HERC3: variants seen among roughly 807,000 people sequenced by gnomAD.
The protein encoded by HERC3 is HECT and RLD domain containing E3 ubiquitin protein ligase 3.
In HERC3, 58 loss-of-function variants were observed where a neutral mutation model predicts 129.9. That is an observed-to-expected ratio of 0.45 (90% CI 0.36 to 0.56). The LOEUF is 0.56. Among genes scored for constraint, HERC3 ranks in the 20% least tolerant of loss-of-function variants. The probability of loss-of-function intolerance (pLI) is 0.00; values close to 1 mark genes in which losing one functional copy is unlikely to be tolerated. For missense variants in HERC3, 835 were observed against 1,244.2 expected (o/e 0.67, Z 4.95); for synonymous variants, 430 against 451.0 (o/e 0.95, Z 0.59).
intron 7 of HERC3, among the ~76,000 whole-genome samples, chr4:88,654,732 C>T (rs897213137): frequency 2.0e-5 from 3 of 151,752 alleles, no homozygotes; most frequent in Non-Finnish European, 4.4e-5. Flanking sequence ...TATTATTCTA[C>T]GTTCACTTTG....
chr4:88,565,902 T>C, the HERC3 span, among the ~76,000 whole-genome samples: 1 of 152,300 alleles, frequency 6.6e-6, no homozygotes, highest in East Asian at 1.9e-4. Context: ...TCTGGTGGTA[T>C]ATTTTAATTT....
At chr4:88,592,345 C>G (rs1453915707), upstream of HERC3, 1 of 152,612 alleles carries the variant, frequency 6.6e-6, no homozygotes, top group Non-Finnish European at 1.5e-5. Context: ...GCCCGCGGAC[C>G]TTGCCGCCCC....
At chr4:88,581,194 C>T in the HERC3 span, among the ~76,000 whole-genome samples, 1 of 152,094 alleles carries the variant, frequency 6.6e-6, no homozygotes, top group Non-Finnish European at 1.5e-5. Context: ...TTCAGGGATT[C>T]TTGTGTTTCT....
At chr4:88,527,665 G>A in the HERC3 span, 1 of 295,994 alleles carries the variant, frequency 3.4e-6, no homozygotes, top group Non-Finnish European at 6.5e-6. Context: ...CCTCATGCCG[G>A]GCAATGTGCT....
chr4:88,563,486 CTTTA>C, the HERC3 span, among the ~76,000 whole-genome samples: 1 of 152,106 alleles, frequency 6.6e-6, no homozygotes, highest in African/African-American at 2.4e-5. Flanking sequence ...TTTGGATGCC[CTTTA>C]TTTCTTTGTT....
intron 7 of HERC3, 125 bp downstream of exon 7, chr4:88,654,258 T>G: frequency 1.9e-6 from 1 of 525,030 alleles, no homozygotes; most frequent in South Asian, 3.7e-5. Flanking sequence ...AATGCTCTCT[T>G]TTATGTGGGT....
intron 23 of HERC3, among the ~76,000 whole-genome samples, chr4:88,700,269 C>G (rs1017487428): frequency 5.3e-5 from 8 of 152,100 alleles, no homozygotes; most frequent in African/African-American, 1.9e-4. Flanking sequence ...ACAGGTTTCT[C>G]TATGAGCATG....
chr4:88,608,551 AT>A (rs1723925756), intron 3 of HERC3, among the ~76,000 whole-genome samples: 1 of 152,246 alleles, frequency 6.6e-6, no homozygotes, highest in Non-Finnish European at 1.5e-5. Flanking sequence ...AGTAAATCCT[AT>A]TTATTATGTA....
At chr4:88,697,236 G>A (rs1293734281) in intron 23 of HERC3, 2 of 1,528,076 alleles carry the variant, frequency 1.3e-6, no homozygotes, top group African/African-American at 1.4e-5. Context: ...GCATCTCGGC[G>A]TGGGCATCGT....
intron 2 of HERC3, among the ~76,000 whole-genome samples, chr4:88,595,936 C>T (rs1028437352): frequency 2.7e-5 from 4 of 150,540 alleles, no homozygotes; most frequent in East Asian, 2.0e-4. Context: ...GCAGGCTCCG[C>T]CCCCCGGGGT....
At chr4:88,671,633 C>T (rs1468513983) in intron 16 of HERC3, among the ~76,000 whole-genome samples, 1 of 152,114 alleles carries the variant, frequency 6.6e-6, no homozygotes, top group Non-Finnish European at 1.5e-5. Context: ...AAGCCATTCT[C>T]CCACCTCAGC....
At position 88,662,427 on chromosome 4, in the gene HERC3, C is replaced by G; in HGVS notation, c.1147-4C>G. 1 of 1,602,656 alleles carries G rather than the reference C, an allele frequency of 6.2e-7. No individual in the cohort carries two copies. The highest frequency in any genetic ancestry group is 8.5e-7 in the Non-Finnish European group (1 of 1,176,344). On this transcript the variant is annotated splice_region_variant and splice_polypyrimidine_tract_variant and intron_variant, in intron 10 of 25. Transcript: ENST00000402738. ...TCTTTTTACTGTTACATTTAATTCT[C>G]CAGAATTATTCTCCTGCTGTTGACT...
At chr4:88,642,662 A>G (rs1411640398) in intron 3 of HERC3, among the ~76,000 whole-genome samples, 1 of 152,222 alleles carries the variant, frequency 6.6e-6, no homozygotes, top group Admixed American at 6.5e-5. Context: ...GGGGCTAGCT[A>G]GCCAGCCCTC....
intron 3 of HERC3, among the ~76,000 whole-genome samples, chr4:88,624,301 T>C (rs1160173858): frequency 1.3e-5 from 2 of 152,222 alleles, no homozygotes; most frequent in African/African-American, 4.8e-5. Flanking sequence ...GAATTGCTGG[T>C]TCATATGGTA....
rs184967632 is a variant in HERC3 at position 88,687,733 on chromosome 4, C to A, written c.2657+434C>A. 1.1e-4 allele frequency among the ~76,000 whole-genome samples: 17 copies of A among 152,236 alleles called. No individual in the cohort carries two copies. In the East Asian group the frequency reaches 2.9e-3, roughly 26 times the overall value. ...ACAGAGTGCCTGGCACAAAAATACTCAAAAAATATGTGTTGAAGAAATGAA... is the reference window on the plus strand; with the variant it reads ...ACAGAGTGCCTGGCACAAAAATACTAAAAAAATATGTGTTGAAGAAATGAA... On this transcript the variant is annotated intron_variant, in intron 23 of 25. Transcript: ENST00000402738.
chr4:88,683,420 T>C (rs1039498323), intron 21 of HERC3, among the ~76,000 whole-genome samples: 3 of 152,142 alleles, frequency 2.0e-5, no homozygotes, highest in Non-Finnish European at 4.4e-5. Context: ...GAAGTAATAC[T>C]AAAAAGTGGC....
At chr4:88,704,939 C>T (rs555969761) in intron 25 of HERC3, among the ~76,000 whole-genome samples, 109 of 150,196 alleles carry the variant, frequency 7.3e-4, no homozygotes, top group Middle Eastern at 3.4e-3. Context: ...CAGCTCACTG[C>T]AACCTCCGCC....
chr4:88,530,042 C>G, the HERC3 span, among the ~76,000 whole-genome samples: 14 of 152,116 alleles, frequency 9.2e-5, no homozygotes, highest in Admixed American at 9.2e-4. Flanking sequence ...TGTAATCCAG[C>G]ACTTTGGGAG....
chr4:88,530,360 G>T, the HERC3 span, among the ~76,000 whole-genome samples: 3 of 151,998 alleles, frequency 2.0e-5, no homozygotes, highest in Non-Finnish European at 4.4e-5. Flanking sequence ...AACAGCACAG[G>T]ATAAAGTTAA....
Sources: allele counts gnomAD v4.1 joint callset (sites outside exome capture counted in the v4.1 genomes callset), GRCh38; gene constraint gnomAD v4.1.1; transcripts MANE v1.5; gene names NCBI Gene and HGNC (gene_info 2026-07-23, HGNC 2026-07-21).